Variants in TMSB15B observed in about 807,000 individuals in gnomAD.
TMSB15B encodes the protein thymosin beta-15B.
At chrX:103,924,487 C>T (rs1483832600) in intron 1 of TMSB15B, among the ~76,000 whole-genome samples, 1 of 111,586 alleles carries the variant, frequency 9.0e-6, no homozygotes, top group Admixed American at 9.5e-5. Context: ...TTTTTGCTTC[C>T]ACCTTCATTA....
chrX:103,938,926 T>C (rs1231335321), intron 1 of TMSB15B, among the ~76,000 whole-genome samples: 1 of 112,438 alleles, frequency 8.9e-6, no homozygotes, highest in African/African-American at 3.2e-5. Flanking sequence ...TTAATTTGGC[T>C]GGATATGAAA....
chrX:103,952,925 AG>A (rs1811085820), intron 1 of TMSB15B, among the ~76,000 whole-genome samples: 1 of 112,034 alleles, frequency 8.9e-6, no homozygotes, highest in Admixed American at 9.4e-5. Flanking sequence ...AACAGGCCAG[AG>A]GGCCAAGATG....
chrX:103,936,669 A>G (rs1435303721), intron 1 of TMSB15B, among the ~76,000 whole-genome samples: 10 of 112,044 alleles, frequency 8.9e-5, no homozygotes, highest in Non-Finnish European at 1.9e-5. Flanking sequence ...CCTGGCCAGA[A>G]CTTCCAATAC....
chrX:103,920,409 G>C (rs189551834), intron 1 of TMSB15B, among the ~76,000 whole-genome samples: 2 of 111,998 alleles, frequency 1.8e-5, no homozygotes, highest in Admixed American at 1.9e-4. Context: ...AGTTGATTCT[G>C]AGGTGTAGAG....
chrX:103,951,095 C>T (rs183687964), intron 1 of TMSB15B, among the ~76,000 whole-genome samples: 1 of 111,955 alleles, frequency 8.9e-6, no homozygotes, highest in African/African-American at 3.2e-5. Flanking sequence ...ACATGGCCAG[C>T]CCTCAGTCTG....
intron 1 of TMSB15B, among the ~76,000 whole-genome samples, chrX:103,952,023 T>C (rs1160725946): frequency 4.5e-5 from 5 of 110,912 alleles, no homozygotes; most frequent in Non-Finnish European, 9.4e-5. Context: ...GACAATGTCA[T>C]GGAGGAGAAA....
intron 1 of TMSB15B, among the ~76,000 whole-genome samples, chrX:103,954,412 T>C (rs1455003315): frequency 7.2e-5 from 8 of 111,816 alleles, no homozygotes; most frequent in Non-Finnish European, 1.5e-4. Context: ...TGGTGGATCA[T>C]GACTGACTTG....
chrX:103,940,197 C>T (rs2075009060), intron 1 of TMSB15B, among the ~76,000 whole-genome samples: 2 of 112,362 alleles, frequency 1.8e-5, no homozygotes, highest in Admixed American at 1.9e-4. Flanking sequence ...CTGGGAGATC[C>T]ACTGCTCTCT....
chrX:103,920,097 T>G (rs2074947692), intron 1 of TMSB15B, among the ~76,000 whole-genome samples: 1 of 112,128 alleles, frequency 8.9e-6, no homozygotes, highest in African/African-American at 3.2e-5. Context: ...TTTTTTATAC[T>G]ACAAAAAGCT....
At chrX:103,935,967 G>A (rs368361169) in intron 1 of TMSB15B, among the ~76,000 whole-genome samples, 12 of 105,657 alleles carry the variant, frequency 1.1e-4, no homozygotes, top group East Asian at 9.1e-4. Flanking sequence ...CTGCCTCAGC[G>A]TCCCAAGAAG....
At chrX:103,931,819 A>G (rs1556319994) in intron 1 of TMSB15B, 1 of 111,754 alleles carries the variant, frequency 8.9e-6, no homozygotes, top group African/African-American at 3.3e-5. Flanking sequence ...GCGCCATTAG[A>G]GGGTTGGGAC....
intron 1 of TMSB15B, among the ~76,000 whole-genome samples, chrX:103,936,738 A>G (rs1190887822): frequency 2.9e-4 from 33 of 112,080 alleles, no homozygotes; most frequent in African/African-American, 1.1e-3. Flanking sequence ...TTTCAAAGGG[A>G]ACACTTCCAG....
At chrX:103,944,181 C>T (rs1340215265) in intron 1 of TMSB15B, among the ~76,000 whole-genome samples, 2 of 111,889 alleles carry the variant, frequency 1.8e-5, no homozygotes, top group Non-Finnish European at 3.8e-5. Context: ...AAATCTATTG[C>T]ACATAGTGGA....
intron 1 of TMSB15B, among the ~76,000 whole-genome samples, chrX:103,922,255 C>T (rs782492366): frequency 3.7e-5 from 4 of 109,438 alleles, no homozygotes; most frequent in African/African-American, 1.0e-4. Context: ...ATATGCACAA[C>T]GTGCAGGTTT....
chrX:103,942,214 T>A (rs1373319656), intron 1 of TMSB15B, among the ~76,000 whole-genome samples: 1 of 112,030 alleles, frequency 8.9e-6, no homozygotes, highest in Non-Finnish European at 1.9e-5. Context: ...TATTCCTTTA[T>A]ACTATAATAA....
chrX:103,930,366 C>G (rs1324416358), intron 1 of TMSB15B, among the ~76,000 whole-genome samples: 1 of 111,407 alleles, frequency 9.0e-6, no homozygotes, highest in African/African-American at 3.3e-5. Context: ...ACATTAGTCT[C>G]TGTGATGCCC....
chrX:103,926,191 C>T (rs1184939209), intron 1 of TMSB15B, among the ~76,000 whole-genome samples: 8 of 109,752 alleles, frequency 7.3e-5, no homozygotes, highest in African/African-American at 2.7e-4. Context: ...TCATGGAATG[C>T]GGAGGAGGGG....
At chrX:103,931,345 C>T (rs2074984437) in intron 1 of TMSB15B, 1 of 112,024 alleles carries the variant, frequency 8.9e-6, no homozygotes, top group Non-Finnish European at 1.9e-5. Context: ...AAAATAATTT[C>T]AAACATTTAA....
intron 1 of TMSB15B, among the ~76,000 whole-genome samples, chrX:103,929,253 G>C (rs1556319504): frequency 8.9e-6 from 1 of 111,917 alleles, no homozygotes; most frequent in Non-Finnish European, 1.9e-5. Flanking sequence ...AGTAGCCTCA[G>C]AGCCAGGAGG....
Sources: allele counts gnomAD v4.1 joint callset (sites outside exome capture counted in the v4.1 genomes callset), GRCh38; gene constraint gnomAD v4.1.1; transcripts MANE v1.5; gene names NCBI Gene and HGNC (gene_info 2026-07-23, HGNC 2026-07-21).